Variants in PRKAG2 observed in about 807,000 individuals in gnomAD.
PRKAG2 encodes 5'-AMP-activated protein kinase subunit gamma-2.
In PRKAG2, 26 loss-of-function variants were observed where a neutral mutation model predicts 69.6. That is an observed-to-expected ratio of 0.37 (90% confidence interval 0.27 to 0.52). PRKAG2 has a LOEUF of 0.52. Among genes scored for constraint, PRKAG2 ranks in the 20% least tolerant of loss-of-function variants. PRKAG2 has a pLI of 0.90. For synonymous variants in PRKAG2, 293 were observed against 285.0 expected, an observed-to-expected ratio of 1.03 and a Z score of -0.28; for missense variants, 557 against 740.0, an observed-to-expected ratio of 0.75 and a Z score of 2.87.
intron 5 of PRKAG2, among the ~76,000 whole-genome samples, chr7:151,600,153 G>A (rs1348501381): frequency 1.3e-5 from 2 of 152,150 alleles, no homozygotes; most frequent in East Asian, 1.9e-4. Flanking sequence ...CCCTCGGCCC[G>A]CCACAACTGC....
chr7:151,594,225 G>C (rs56230935), intron 6 of PRKAG2, among the ~76,000 whole-genome samples: 2,142 of 152,328 alleles, frequency 0.014, 46 homozygotes, highest in African/African-American at 0.049. Context: ...CTCTTCCTCT[G>C]ATCCCTTCAT....
chr7:151,652,441 G>A (rs912623960), intron 4 of PRKAG2, among the ~76,000 whole-genome samples: 3 of 152,136 alleles, frequency 2.0e-5, no homozygotes, highest in African/African-American at 7.2e-5. Flanking sequence ...ATGCTAATAT[G>A]TAATGAGTTT....
chr7:151,848,944 G>A (rs763746653), intron 1 of PRKAG2, among the ~76,000 whole-genome samples: 4 of 152,340 alleles, frequency 2.6e-5, no homozygotes, highest in African/African-American at 4.8e-5. Context: ...TTCACAGCCC[G>A]CAGGTGAGGA....
intron 4 of PRKAG2, among the ~76,000 whole-genome samples, chr7:151,647,007 C>A (rs1003333966): frequency 5.9e-5 from 9 of 152,378 alleles, no homozygotes; most frequent in Non-Finnish European, 1.3e-4. Flanking sequence ...TAGTGACAAG[C>A]TCTCTCGAGC....
In PRKAG2 at chr7:151,833,101, T is replaced by C. The variant is rs144354552; in HGVS notation, c.114+43406A>G. On this transcript the variant is annotated intron_variant, in intron 1 of 15. Coordinates refer to ENST00000287878, the MANE Select transcript of PRKAG2 (RefSeq NM_016203.4). The stretch of plus-strand genomic sequence containing the variant: ...GCTGGCTTTCCAGTGGAGAGGCGCA[T>C]GTCAAAATAAAAAGCTAATTTCATT... Among the ~76,000 whole-genome samples, 987 of 152,278 alleles carry C rather than the reference T, an allele frequency of 6.5e-3. 13 individuals are homozygous for C. Among genetic ancestry groups the C allele is most frequent in the African/African-American group, 0.023 (948 of 41,542 alleles).
intron 3 of PRKAG2, among the ~76,000 whole-genome samples, chr7:151,764,984 G>A (rs959211582): frequency 6.6e-6 from 1 of 152,246 alleles, no homozygotes. Context: ...GACATTTGCT[G>A]TGTCTGTTCT....
At chr7:151,867,656 G>A (rs754550318) in intron 1 of PRKAG2, among the ~76,000 whole-genome samples, 21 of 152,140 alleles carry the variant, frequency 1.4e-4, no homozygotes, top group Non-Finnish European at 2.8e-4. Context: ...GTGGGACTTC[G>A]ACCTTTTTTT....
chr7:151,830,816 C>T (rs1054299017), intron 1 of PRKAG2, among the ~76,000 whole-genome samples: 3 of 151,052 alleles, frequency 2.0e-5, no homozygotes, highest in East Asian at 1.9e-4. Flanking sequence ...GAGGGAGGAG[C>T]GTGGTCCCTT....
chr7:151,605,012 T>C (rs1817170896), intron 5 of PRKAG2, among the ~76,000 whole-genome samples: 1 of 152,178 alleles, frequency 6.6e-6, no homozygotes, highest in South Asian at 2.1e-4. Context: ...ACATGTTAAA[T>C]ATTTACTTAT....
chr7:151,621,509 C>A (rs7799942), intron 5 of PRKAG2, among the ~76,000 whole-genome samples: 20,134 of 151,968 alleles, frequency 0.13, 1,480 homozygotes, highest in East Asian at 0.24. Flanking sequence ...AGAGTGAGAC[C>A]CTGTCACAAA....
intron 3 of PRKAG2, among the ~76,000 whole-genome samples, chr7:151,687,446 T>G: frequency 6.6e-6 from 1 of 152,190 alleles, no homozygotes; most frequent in East Asian, 1.9e-4. Flanking sequence ...AATTTGTCAA[T>G]GAAAGGGAAA....
At chr7:151,808,965 G>C (rs564883926) in intron 1 of PRKAG2, among the ~76,000 whole-genome samples, 1 of 152,066 alleles carries the variant, frequency 6.6e-6, no homozygotes, top group African/African-American at 2.4e-5. Context: ...TCTCTCCCGC[G>C]CTCCCCCTCC....
intron 1 of PRKAG2, among the ~76,000 whole-genome samples, chr7:151,868,245 T>C (rs945803929): frequency 6.6e-6 from 1 of 152,046 alleles, no homozygotes; most frequent in Non-Finnish European, 1.5e-5. Flanking sequence ...AAGAGATGAG[T>C]GAGATTCCAA....
chr7:151,685,680 G>A (rs1462919536), intron 3 of PRKAG2, among the ~76,000 whole-genome samples: 1 of 151,822 alleles, frequency 6.6e-6, no homozygotes, highest in Non-Finnish European at 1.5e-5. Context: ...GAGGAGGGAG[G>A]ATTGCTTAAG....
chr7:151,601,598 C>A (rs950136908), intron 5 of PRKAG2, among the ~76,000 whole-genome samples: 1 of 152,242 alleles, frequency 6.6e-6, no homozygotes, highest in Admixed American at 6.5e-5. Context: ...GCTGTACAGA[C>A]CTCAGAACTG....
chr7:151,606,336 A>G (rs1817555693), intron 5 of PRKAG2, among the ~76,000 whole-genome samples: 1 of 152,248 alleles, frequency 6.6e-6, no homozygotes, highest in Non-Finnish European at 1.5e-5. Flanking sequence ...TCGCTTTTCT[A>G]CTTTTAGTAT....
chr7:151,840,001 CAAAG>C (rs1385045008), intron 1 of PRKAG2, among the ~76,000 whole-genome samples: 1 of 152,148 alleles, frequency 6.6e-6, no homozygotes, highest in Non-Finnish European at 1.5e-5. Context: ...ATCCCCCTAA[CAAAG>C]AGAGTGGGGG....
At chr7:151,655,324 C>T (rs1051460008) in intron 4 of PRKAG2, among the ~76,000 whole-genome samples, 8 of 152,216 alleles carry the variant, frequency 5.3e-5, no homozygotes, top group Non-Finnish European at 8.8e-5. Context: ...ATGAGCTGAT[C>T]GCTCCTAAGA....
intron 5 of PRKAG2, among the ~76,000 whole-genome samples, chr7:151,602,433 ATAAT>A (rs1210585107): frequency 5.3e-5 from 8 of 152,242 alleles, no homozygotes; most frequent in African/African-American, 1.9e-4. Context: ...AATATGTGAA[ATAAT>A]TGAAAATAAT....
Sources: allele counts gnomAD v4.1 joint callset (sites outside exome capture counted in the v4.1 genomes callset), GRCh38; gene constraint gnomAD v4.1.1; transcripts MANE v1.5; gene names NCBI Gene and HGNC (gene_info 2026-07-23, HGNC 2026-07-21).